RECK: variants seen among roughly 807,000 people sequenced by gnomAD.
RECK encodes the protein reversion inducing cysteine rich protein with kazal motifs.
A neutral mutation model predicts 115.1 loss-of-function variants in RECK; 69 were observed. The observed-to-expected ratio is 0.60, with a 90% CI of 0.49 to 0.73. The LOEUF (loss-of-function observed/expected upper bound fraction) is 0.73, where lower values mean the gene tolerates loss of function less well. Among genes scored for constraint, RECK ranks in the 30% least tolerant of loss-of-function variants. RECK has a pLI of 0.00. For missense variants in RECK, 1,047 were observed against 1,203.7 expected, an observed-to-expected ratio of 0.87 and a Z score of 1.93; for synonymous variants, 414 against 419.7, an observed-to-expected ratio of 0.99 and a Z score of 0.17.
At chr9:36,055,276 C>T (rs1051320062) in intron 2 of RECK, among the ~76,000 whole-genome samples, 1 of 152,138 alleles carries the variant, frequency 6.6e-6, no homozygotes, top group African/African-American at 2.4e-5. Flanking sequence ...ATAGTACCTG[C>T]TGGTTTATTT....
chr9:36,107,707 A>G (rs1172585632), intron 13 of RECK, among the ~76,000 whole-genome samples: 2 of 152,096 alleles, frequency 1.3e-5, no homozygotes, highest in African/African-American at 4.8e-5. Flanking sequence ...AAAAAGTTAC[A>G]TATCTTACAG....
intron 4 of RECK, 133 bp downstream of exon 4, chr9:36,060,288 A>T (rs1217917970): frequency 6.2e-5 from 49 of 794,378 alleles, no homozygotes; most frequent in Middle Eastern, 2.4e-4. Context: ...CAACACCTAA[A>T]TTTTTTTTTT....
chr9:36,037,002 G>A lies in RECK; in HGVS notation c.4G>A (p.Ala2Thr). 7.0e-7 allele frequency: 1 copy of A among 1,430,326 alleles called. No homozygotes were observed. Among genetic ancestry groups the A allele is most frequent in the Non-Finnish European group, 9.2e-7 (1 of 1,090,020 alleles). 88.6% of individuals were successfully genotyped at this position (1,430,326 alleles called of 1,614,324 possible). A position where few individuals can be genotyped will look rare whatever the true frequency, so the allele number is the denominator to read the frequency against. The change falls in exon 1 of 21, where the codon GCG (alanine) becomes ACG (threonine). Residue 2 changes from alanine to threonine, a missense_variant. By Grantham distance (58) the Ala-to-Thr change is moderately conservative. Coordinates refer to ENST00000377966, the MANE Select transcript of RECK (RefSeq NM_021111.3). ...TCTGGAGCCGCCCGGCCCGGACATG[G>A]CGACCGTCCGGGCCTCTCTGCGAGG... is the stretch of plus-strand genomic sequence containing the variant. M[A>T]TVRASLRGAL...
chr9:36,057,978 G>A (rs1022270067), intron 2 of RECK, among the ~76,000 whole-genome samples: 8 of 151,448 alleles, frequency 5.3e-5, no homozygotes, highest in Non-Finnish European at 7.4e-5. Context: ...AGTTAGAATG[G>A]CAATCATTAA....
intron 7 of RECK, among the ~76,000 whole-genome samples, chr9:36,083,072 C>A (rs1161199630): frequency 2.0e-5 from 3 of 152,182 alleles, no homozygotes; most frequent in Non-Finnish European, 4.4e-5. Context: ...CCCTAACCCT[C>A]ATGTACTAAA....
chr9:36,043,706 G>A (rs1820972738), intron 1 of RECK, among the ~76,000 whole-genome samples: 1 of 152,148 alleles, frequency 6.6e-6, no homozygotes, highest in South Asian at 2.1e-4. Flanking sequence ...TGACGTGAGA[G>A]ATGAGAATCC....
chr9:36,039,790 A>G (rs1380498490), intron 1 of RECK, among the ~76,000 whole-genome samples: 4 of 152,258 alleles, frequency 2.6e-5, no homozygotes, highest in Non-Finnish European at 5.9e-5. Context: ...AGTTAGAAAA[A>G]GCAAACGCCT....
intron 1 of RECK, among the ~76,000 whole-genome samples, chr9:36,045,806 G>A (rs925965854): frequency 6.6e-6 from 1 of 152,056 alleles, no homozygotes. Flanking sequence ...GCTGGAGCAT[G>A]TGCTTCCTGC....
chr9:36,124,366 G>T lies in RECK; in HGVS notation c.*1321G>T, dbSNP rs1468085067. On this transcript the variant is annotated 3_prime_UTR_variant, in exon 21 of 21. Coordinates refer to ENST00000377966, the MANE Select transcript of RECK (RefSeq NM_021111.3). Reference sequence around the variant, plus strand: ...ATGTCAGTGCTGATGTAGCATGCTTGTTGCAATTGCCTTTTTTCTGTATAA... The same window carrying T: ...ATGTCAGTGCTGATGTAGCATGCTTTTTGCAATTGCCTTTTTTCTGTATAA... 6.6e-6 allele frequency: 1 copy of T among 152,556 alleles called. No individual in the cohort carries two copies. Among genetic ancestry groups the T allele is most frequent in the Admixed American group, 6.5e-5 (1 of 15,274 alleles). The allele number at this position is 152,556 out of a possible 1,614,324, so 9.5% of individuals were successfully genotyped here.
At chr9:36,084,148 C>T (rs758055155) in intron 8 of RECK, among the ~76,000 whole-genome samples, 11 of 152,166 alleles carry the variant, frequency 7.2e-5, no homozygotes, top group Non-Finnish European at 1.6e-4. Flanking sequence ...GTAATCCCAG[C>T]ACTTTGAGAA....
chr9:36,091,183 T>C lies in RECK; in HGVS notation c.925T>C (p.Tyr309His). Residue 309 changes from tyrosine to histidine, a missense_variant, in exon 10 of 21, where the codon TAC (tyrosine) becomes CAC (histidine). Coordinates refer to ENST00000377966, the MANE Select transcript of RECK (RefSeq NM_021111.3). ...STCRELCTKLYSMSWGNTQSW... is the reference protein window; with the variant it reads ...STCRELCTKLHSMSWGNTQSW... Reference sequence around the variant, plus strand: ...TTTCAGGGAACTCTGCACTAAACTTTACAGCATGAGCTGGGGCAATACACA... The same window carrying C: ...TTTCAGGGAACTCTGCACTAAACTTCACAGCATGAGCTGGGGCAATACACA... 4 of 1,614,078 alleles carry C rather than the reference T, an allele frequency of 2.5e-6. No homozygotes were observed. The highest frequency in any genetic ancestry group is 8.5e-7 in the Non-Finnish European group (1 of 1,179,960).
rs11788747 is a variant in RECK, at chr9:36,105,267, A to C, written c.1560A>C (p.Pro520=). Residue 520 remains proline (P), a synonymous_variant, in exon 13 of 21, where the codon CCA becomes CCC. Transcript: ENST00000377966. ...KGCPSGDPCL[P]YFCVQGCKLG... is the part of the protein sequence containing the mutation. Reference sequence around the variant, plus strand: ...GTCCATCTGGAGATCCCTGTCTTCCATACTTTTGTGTTCAAGGTAAGAGGT... The same window carrying C: ...GTCCATCTGGAGATCCCTGTCTTCCCTACTTTTGTGTTCAAGGTAAGAGGT... The C allele has an allele frequency of 6.2e-7, 1 of 1,613,794 alleles. No homozygotes were observed. Among genetic ancestry groups the C allele is most frequent in the South Asian group, 1.1e-5 (1 of 91,070 alleles).
chr9:36,111,261 G>A (rs1158158045), intron 15 of RECK, among the ~76,000 whole-genome samples: 1 of 152,066 alleles, frequency 6.6e-6, no homozygotes, highest in Non-Finnish European at 1.5e-5. Flanking sequence ...CACATTTCTT[G>A]GGACCCAGTG....
Position 36,121,568 on chromosome 9 carries a change from A to G in RECK, c.2574A>G (p.Ile858Met). 6.2e-7 allele frequency: 1 copy of G among 1,614,102 alleles called. No individual in the cohort carries two copies. Among genetic ancestry groups the G allele is most frequent in the Non-Finnish European group, 8.5e-7 (1 of 1,179,936 alleles). ...TNKKPITVLE[I>M]LQKIRMHVSV... ...AAAAGCCAATAACAGTTCTGGAAAT[A>G]CTTCAGAAAATCCGCATGCACGTGT... Residue 858 changes from isoleucine to methionine, a missense_variant, in exon 20 of 21, where the codon ATA (isoleucine) becomes ATG (methionine). Ile to Met is a conservative substitution (Grantham distance 10). Coordinates refer to ENST00000377966, the MANE Select transcript of RECK (RefSeq NM_021111.3).
intron 6 of RECK, among the ~76,000 whole-genome samples, chr9:36,075,803 A>C (rs879389180): frequency 3.9e-5 from 6 of 152,224 alleles, no homozygotes; most frequent in Non-Finnish European, 8.8e-5. Flanking sequence ...TTAAGTAGAA[A>C]GTACTGGGCA....
intron 1 of RECK, among the ~76,000 whole-genome samples, chr9:36,050,943 AC>A (rs893888152): frequency 2.0e-5 from 3 of 151,324 alleles, no homozygotes; most frequent in Admixed American, 2.0e-4. Flanking sequence ...TTACTCTTTA[AC>A]TTGTTTTATT....
At chr9:36,041,789 G>A (rs894566445) in intron 1 of RECK, among the ~76,000 whole-genome samples, 1 of 37,064 alleles carries the variant, frequency 2.7e-5, no homozygotes, top group Non-Finnish European at 5.7e-5. Context: ...TTTTTTTTTT[G>A]CACATAGTTT....
intron 2 of RECK, among the ~76,000 whole-genome samples, chr9:36,053,404 A>G (rs866724937): frequency 7.2e-5 from 11 of 152,328 alleles, no homozygotes; most frequent in Middle Eastern, 3.4e-3. Context: ...AACTGGGACT[A>G]TAACTTCTCA....
chr9:36,037,232 A>G (rs988815329), intron 1 of RECK, 134 bp downstream of exon 1: 58 of 482,208 alleles, frequency 1.2e-4, no homozygotes, highest in African/African-American at 1.1e-3. Flanking sequence ...CCGGGACCCC[A>G]GGTCTCAGCG....
Sources: allele counts gnomAD v4.1 joint callset (sites outside exome capture counted in the v4.1 genomes callset), GRCh38; gene constraint gnomAD v4.1.1; transcripts MANE v1.5; gene names NCBI Gene and HGNC (gene_info 2026-07-23, HGNC 2026-07-21).